Variants in APBB2 observed in about 807,000 individuals in gnomAD.
APBB2 encodes Fe65-like 1.
In APBB2, 38 loss-of-function variants were observed where a neutral mutation model predicts 82.5. The observed-to-expected ratio is 0.46, with a 90% CI of 0.36 to 0.60. The LOEUF is 0.60. APBB2 is among the 20% of genes least tolerant of loss of function. The pLI is 0.00. For missense variants in APBB2, 772 were observed against 972.3 expected, an observed-to-expected ratio of 0.79 and a Z score of 2.74; for synonymous variants, 341 against 368.2, an observed-to-expected ratio of 0.93 and a Z score of 0.85.
chr4:41,016,193 T>G (rs1316578819), intron 5 of APBB2, among the ~76,000 whole-genome samples: 1 of 152,224 alleles, frequency 6.6e-6, no homozygotes, highest in Non-Finnish European at 1.5e-5. Context: ...AAAACATTTA[T>G]ATTAGGCTGC....
At chr4:40,843,076 T>A (rs894054287) in intron 12 of APBB2, among the ~76,000 whole-genome samples, 1 of 152,184 alleles carries the variant, frequency 6.6e-6, no homozygotes, top group African/African-American at 2.4e-5. Flanking sequence ...GGGACCCTAA[T>A]GAAGTCACTT....
intron 5 of APBB2, among the ~76,000 whole-genome samples, chr4:41,015,626 C>T (rs768946423): frequency 6.6e-6 from 1 of 152,160 alleles, no homozygotes; most frequent in Admixed American, 6.5e-5. Context: ...CCTATGCTTC[C>T]AGGAAGCAAG....
At chr4:41,039,818 G>C (rs1293062838) in intron 4 of APBB2, among the ~76,000 whole-genome samples, 1 of 144,140 alleles carries the variant, frequency 6.9e-6, no homozygotes. Flanking sequence ...TGTGAAACAA[G>C]GTGTGAGACC....
chr4:41,172,434 C>T (rs868827270), intron 1 of APBB2, among the ~76,000 whole-genome samples: 9 of 152,304 alleles, frequency 5.9e-5, no homozygotes, highest in Non-Finnish European at 1.2e-4. Context: ...TCACCAACCT[C>T]GGGGACTAGA....
chr4:40,916,900 T>C (rs532491053), intron 10 of APBB2, among the ~76,000 whole-genome samples: 1 of 152,098 alleles, frequency 6.6e-6, no homozygotes, highest in South Asian at 2.1e-4. Flanking sequence ...GAGTCTGTGG[T>C]GGGGAAGGTC....
intron 12 of APBB2, among the ~76,000 whole-genome samples, chr4:40,839,944 C>T (rs1025352913): frequency 3.7e-4 from 56 of 152,320 alleles, no homozygotes; most frequent in African/African-American, 1.3e-3. Flanking sequence ...GGATTACAGG[C>T]ATGAGCCATT....
intron 10 of APBB2, among the ~76,000 whole-genome samples, chr4:40,898,730 G>A (rs961307688): frequency 2.0e-5 from 3 of 151,692 alleles, no homozygotes; most frequent in African/African-American, 7.3e-5. Flanking sequence ...ACAACAGGCC[G>A]GGCATGGTGG....
chr4:41,136,762 A>ACT (rs1757691636), intron 2 of APBB2, among the ~76,000 whole-genome samples: 1 of 152,226 alleles, frequency 6.6e-6, no homozygotes. Context: ...AGAGAAGGGA[A>ACT]ATGTCTCTGC....
At chr4:40,939,853 T>C (rs1257062018) in intron 7 of APBB2, among the ~76,000 whole-genome samples, 1 of 147,970 alleles carries the variant, frequency 6.8e-6, no homozygotes, top group Non-Finnish European at 1.5e-5. Flanking sequence ...CACACAAACA[T>C]AATTCAGAGA....
intron 6 of APBB2, among the ~76,000 whole-genome samples, chr4:40,991,524 C>T (rs905865535): frequency 2.0e-5 from 3 of 151,668 alleles, no homozygotes; most frequent in Non-Finnish European, 4.4e-5. Context: ...AAATATGTAT[C>T]CAAAAAGTAC....
intron 4 of APBB2, among the ~76,000 whole-genome samples, chr4:41,055,565 C>T (rs1404736779): frequency 6.6e-6 from 1 of 152,190 alleles, no homozygotes; most frequent in Admixed American, 6.5e-5. Flanking sequence ...AGGACCCGCT[C>T]CACTGCAATC....
intron 6 of APBB2, among the ~76,000 whole-genome samples, chr4:41,004,760 C>A (rs543576856): frequency 9.1e-5 from 12 of 132,040 alleles, no homozygotes; most frequent in African/African-American, 3.2e-4. Context: ...TGGCGTGAAC[C>A]TGGGAGGCGG....
chr4:41,195,346 G>C, intron 1 of APBB2, among the ~76,000 whole-genome samples: 3 of 152,136 alleles, frequency 2.0e-5, no homozygotes, highest in African/African-American at 7.2e-5. Flanking sequence ...AAGATCCTCA[G>C]AATTGTCCTT....
intron 6 of APBB2, among the ~76,000 whole-genome samples, chr4:40,949,629 G>A (rs1789516234): frequency 6.6e-6 from 1 of 151,910 alleles, no homozygotes; most frequent in Non-Finnish European, 1.5e-5. Context: ...AACAAAACAG[G>A]AGTATTCGAC....
intron 2 of APBB2, among the ~76,000 whole-genome samples, chr4:41,138,848 CA>C (rs1758313744): frequency 6.6e-6 from 1 of 152,070 alleles, no homozygotes; most frequent in South Asian, 2.1e-4. Flanking sequence ...AAGTCATACA[CA>C]TAAAAAACTA....
chr4:40,930,458 CGCGCGCGCGTGCGCGTGCGCGT>C (rs1783901779), intron 10 of APBB2, among the ~76,000 whole-genome samples: 1 of 133,690 alleles, frequency 7.5e-6, no homozygotes, highest in East Asian at 2.0e-4. Flanking sequence ...TGCGCGCGCG[CGCGCGCGCGTGCGCGTGCGCGT>C]ATGCGTGTGT....
chr4:40,999,452 A>G (rs73136413), intron 6 of APBB2, among the ~76,000 whole-genome samples: 4,912 of 152,232 alleles, frequency 0.032, 268 homozygotes, highest in African/African-American at 0.11. Flanking sequence ...TCTCAAAAGT[A>G]AATCAGTAAA....
At chr4:40,864,858 T>G (rs1428066166) in intron 12 of APBB2, among the ~76,000 whole-genome samples, 16 of 17,144 alleles carry the variant, frequency 9.3e-4, no homozygotes, top group Admixed American at 7.7e-3. Context: ...TGATTCTTTT[T>G]TTTTTTTTTT....
intron 6 of APBB2, among the ~76,000 whole-genome samples, chr4:40,995,967 G>A (rs1044693148): frequency 1.3e-5 from 2 of 152,130 alleles, no homozygotes; most frequent in Admixed American, 6.6e-5. Flanking sequence ...ACCGTGCCCC[G>A]CCATGGATCT....
Sources: gnomAD v4.1 joint callset for allele counts (sites outside exome capture counted in the v4.1 genomes callset) on GRCh38, gnomAD v4.1.1 for gene constraint, MANE v1.5 for transcripts, NCBI Gene and HGNC (gene_info 2026-07-23, HGNC 2026-07-21) for gene names.